POLD1: variants seen among roughly 807,000 people sequenced by gnomAD.
POLD1 encodes the protein DNA polymerase delta 1, catalytic subunit.
A neutral mutation model predicts 129.7 loss-of-function variants in POLD1; 79 were observed. The observed-to-expected ratio is 0.61, with a 90% CI of 0.51 to 0.73. The LOEUF (loss-of-function observed/expected upper bound fraction) is 0.73, where lower values mean the gene tolerates loss of function less well. POLD1 is among the 30% of genes least tolerant of loss of function. The pLI, the probability that POLD1 is intolerant of heterozygous loss-of-function variation, is 0.00. For missense variants in POLD1, 1,338 were observed against 1,595.8 expected (o/e 0.84, Z 2.75); for synonymous variants, 714 against 683.3 (o/e 1.04, Z -0.70).
At chr19:50,403,405 G>A in intron 9 of POLD1, 88 bp from the exon 10 acceptor site, 2 of 1,200,638 alleles carry the variant, frequency 1.7e-6, no homozygotes, top group Non-Finnish European at 2.5e-6. Context: ...GGATTTTCAG[G>A]GGTGGCTGGG....
chr19:50,396,133 C>G lies in POLD1; in HGVS notation c.-1-2718C>G, dbSNP rs535872883. Among the ~76,000 whole-genome samples the G allele has an allele frequency of 8.1e-5, 12 of 148,078 alleles. 1 individual carries two copies. Among genetic ancestry groups the G allele is most frequent in the African/African-American group, 3.0e-4 (12 of 39,560 alleles). On this transcript the variant is annotated intron_variant, in intron 1 of 26. Transcript: ENST00000440232. ...ACAGAATATTGCTGTGTTGCCCAGG[C>G]TAAAGTGCAGTGGCGCGATCTCGGC...
At chr19:50,395,176 G>A (rs2038306897) in intron 1 of POLD1, 1 of 149,000 alleles carries the variant, frequency 6.7e-6, no homozygotes, top group African/African-American at 2.5e-5. Flanking sequence ...TTCTTTCTCT[G>A]ACAATTTCAA....
chr19:50,401,391 ATTTTTTTTTTTT>A (rs1203165864), intron 3 of POLD1, among the ~76,000 whole-genome samples: 1 of 65,990 alleles, frequency 1.5e-5, no homozygotes, highest in East Asian at 4.8e-4. Context: ...ATATATATAT[ATTTTTTTTTTTT>A]TTTTTTTTTT....
chr19:50,407,239 T>C, intron 13 of POLD1, 65 bp downstream of exon 13: 2 of 1,543,010 alleles, frequency 1.3e-6, no homozygotes, highest in Non-Finnish European at 1.8e-6. Flanking sequence ...CTCCAGGCAA[T>C]GGCATCCTGG....
At chr19:50,394,802 T>G (rs2038287685) in intron 1 of POLD1, among the ~76,000 whole-genome samples, 1 of 152,138 alleles carries the variant, frequency 6.6e-6, no homozygotes, top group African/African-American at 2.4e-5. Context: ...CCCCTCTGTC[T>G]CAGCCTGGAC....
chr19:50,412,588 TA>T (rs1568634068), intron 17 of POLD1, among the ~76,000 whole-genome samples: 3 of 152,166 alleles, frequency 2.0e-5, no homozygotes, highest in Admixed American at 6.5e-5. Flanking sequence ...GCTATATCAG[TA>T]ATTACACTAA....
chr19:50,407,228 C>T (rs2038928714), intron 13 of POLD1, 54 bp downstream of exon 13: 6 of 1,561,574 alleles, frequency 3.8e-6, no homozygotes, highest in Admixed American at 1.7e-5. Context: ...TCTGTGGCCC[C>T]CTCCAGGCAA....
Position 50,406,165 on chromosome 19 carries a change from C to G in POLD1, c.1243-17C>G. The G allele has an allele frequency of 6.2e-7, 1 of 1,609,516 alleles. No individual in the cohort carries two copies. Among genetic ancestry groups the G allele is most frequent in the Non-Finnish European group, 8.5e-7 (1 of 1,176,758 alleles). On this transcript the variant is annotated splice_polypyrimidine_tract_variant and intron_variant, in intron 10 of 26. Coordinates refer to ENST00000440232, the MANE Select transcript of POLD1 (RefSeq NM_002691.4). This position sits in a 1 kb window ranked among gnomAD's most constrained non-coding sequence, Gnocchi z 5.5. ...GGGGACCCGCAGCCTGCTGCACACC[C>G]TGCCTCTCCTCCTCAGGTACAAACA...
chr19:50,397,090 CAA>C (rs781378096), intron 1 of POLD1, among the ~76,000 whole-genome samples: 15,530 of 77,226 alleles, frequency 0.2, 1,174 homozygotes, highest in African/African-American at 0.29. Context: ...GACTCCATCT[CAA>C]AAAAAAAAAA....
At chr19:50,384,695 A>C (rs2037909873) in intron 1 of POLD1, among the ~76,000 whole-genome samples, 1 of 151,950 alleles carries the variant, frequency 6.6e-6, no homozygotes, top group Non-Finnish European at 1.5e-5. Flanking sequence ...GTCATCCTGG[A>C]TTCGCTGGGT....
chr19:50,392,667 G>C (rs772171723), intron 1 of POLD1, among the ~76,000 whole-genome samples: 20 of 152,066 alleles, frequency 1.3e-4, no homozygotes, highest in Non-Finnish European at 2.6e-4. Flanking sequence ...AGTAGAGATG[G>C]GGTTTCACCA....
chr19:50,406,073 G>A lies in POLD1; in HGVS notation c.1243-109G>A. The A allele has an allele frequency of 6.5e-6, 9 of 1,380,012 alleles. No homozygotes were observed. The South Asian group carries it at 6.6e-5, about 10-fold the overall frequency. 85.5% of individuals were successfully genotyped at this position (1,380,012 alleles called of 1,614,324 possible). A position where few individuals can be genotyped will look rare whatever the true frequency, so the allele number is the denominator to read the frequency against. On this transcript the variant is annotated intron_variant, in intron 10 of 26. Transcript: ENST00000440232. This position sits in a 1 kb window ranked among gnomAD's most constrained non-coding sequence, Gnocchi z 5.5. ...TCTTTCTGCCCCCAGGGTTGCTCTC[G>A]ACCCCCTAGGGTTGTTATAAGGATG...
At position 50,417,187 on chromosome 19, in the gene POLD1, G is replaced by T. The variant is rs751088347; in HGVS notation, c.3136G>T (p.Ala1046Ser). 6.2e-5 allele frequency: 100 copies of T among 1,606,246 alleles called. No individual in the cohort carries two copies. Among genetic ancestry groups the T allele is most frequent in the Non-Finnish European group, 8.2e-5 (96 of 1,177,328 alleles). The change falls in exon 26 of 27, where the codon GCC becomes TCC. Residue 1046 changes from alanine (A) to serine (S), a missense_variant. Coordinates refer to ENST00000440232, the MANE Select transcript of POLD1 (RefSeq NM_002691.4). ...LYQKEVSHLN[A>S]LEERFSRLWT... ...CCGTCCCCAGGTATCCCATCTGAAT[G>T]CCCTGGAGGAGCGCTTCTCGCGCCT...
At chr19:50,391,418 G>A (rs1227313048) in intron 1 of POLD1, among the ~76,000 whole-genome samples, 3 of 152,232 alleles carry the variant, frequency 2.0e-5, no homozygotes, top group Non-Finnish European at 4.4e-5. Flanking sequence ...ATTGAGCACT[G>A]AGTGAGCGAG....
At chr19:50,414,163 G>A (rs1167820995) in intron 19 of POLD1, among the ~76,000 whole-genome samples, 4 of 152,218 alleles carry the variant, frequency 2.6e-5, no homozygotes, top group African/African-American at 4.8e-5. Flanking sequence ...TGCCCTCCAC[G>A]CAGGGACCCT....
rs775463372 is a variant in POLD1 at position 50,402,670 on chromosome 19, C to T, written c.899C>T (p.Pro300Leu). ...VLWSDVVSHP[P>L]EGPWQRIAPL... ...TGGTCTGACGTGGTCAGTCACCCACCGGAAGGGCCATGGCAGCGCATTGCG... is the reference window on the plus strand; with the variant it reads ...TGGTCTGACGTGGTCAGTCACCCACTGGAAGGGCCATGGCAGCGCATTGCG... The change falls in exon 8 of 27, where the codon CCG becomes CTG. Residue 300 changes from proline to leucine, a missense_variant. Pro to Leu is a moderately conservative substitution (Grantham distance 98). Transcript: ENST00000440232. 6.9e-5 allele frequency: 111 copies of T among 1,597,574 alleles called. No individual in the cohort carries two copies. Among genetic ancestry groups the T allele is most frequent in the Non-Finnish European group, 8.6e-5 (101 of 1,171,260 alleles).
intron 1 of POLD1, among the ~76,000 whole-genome samples, chr19:50,392,647 T>C (rs1295403964): frequency 1.3e-5 from 2 of 149,016 alleles, no homozygotes; most frequent in African/African-American, 5.2e-5. Flanking sequence ...CTGGCTAATT[T>C]TTGTATTTTA....
At position 50,418,001 on chromosome 19, in the gene POLD1, C is replaced by A. The variant is rs117012238; in HGVS notation, c.*54C>A. The A allele has an allele frequency of 5.1e-3, 5,825 of 1,148,502 alleles. 26 individuals are homozygous for A. The highest frequency in any genetic ancestry group is 6.5e-3 in the Non-Finnish European group (5,061 of 776,720). The allele number at this position is 1,148,502 out of a possible 1,614,324, so 71.1% of individuals were successfully genotyped here. Reference sequence around the variant, plus strand: ...GGGACCAGGGAGAATTAATAAAGTTCTGGACTTTTGCTATATGGTGCTTTG... The same window carrying A: ...GGGACCAGGGAGAATTAATAAAGTTATGGACTTTTGCTATATGGTGCTTTG... On this transcript the variant is annotated 3_prime_UTR_variant, in exon 27 of 27. Transcript: ENST00000440232. This position sits in a 1 kb window ranked among gnomAD's most constrained non-coding sequence, Gnocchi z 6.0.
Position 50,399,049 on chromosome 19 carries a change from A to G in POLD1, c.198A>G (p.Ala66=), listed in dbSNP as rs2122197947. The G allele has an allele frequency of 3.9e-6, 6 of 1,552,732 alleles. No individual in the cohort carries two copies. The highest frequency in any genetic ancestry group is 5.2e-6 in the Non-Finnish European group (6 of 1,147,966). The part of the protein sequence containing the change: ...EELQSVLEGV[A]DGQVPPSAID... The stretch of plus-strand genomic sequence containing the variant: ...TGCAGTCAGTCCTGGAGGGGGTTGC[A>G]GACGGTAAGGCTTGGAGTTGGAGGT... The change falls in exon 2 of 27, where the codon GCA becomes GCG. Residue 66 remains alanine (A), a synonymous_variant. Transcript: ENST00000440232.
Sources: gnomAD v4.1 joint callset for allele counts (sites outside exome capture counted in the v4.1 genomes callset) on GRCh38, gnomAD v4.1.1 for gene constraint, Gnocchi (gnomAD v3.1) non-coding constraint, MANE v1.5 for transcripts, NCBI Gene and HGNC (gene_info 2026-07-23, HGNC 2026-07-21) for gene names.